Variants in DMBT1 observed in about 807,000 individuals in gnomAD.
The protein encoded by DMBT1 is scavenger receptor cysteine-rich domain-containing protein DMBT1.
In DMBT1, 198 loss-of-function variants were observed where a neutral mutation model predicts 252.9. The ratio of observed to expected loss-of-function variants is 0.78; its 90% CI spans 0.70 to 0.88. The LOEUF (loss-of-function observed/expected upper bound fraction) is 0.88. DMBT1 is among the 40% of genes least tolerant of loss of function. The probability of loss-of-function intolerance (pLI) is 0.00; values close to 1 mark genes in which losing one functional copy is unlikely to be tolerated. For missense variants in DMBT1, 2,432 were observed against 2,404.7 expected (o/e 1.01, Z -0.24); for synonymous variants, 990 against 942.7 (o/e 1.05, Z -0.92).
At chr10:122,619,177 T>A in intron 41 of DMBT1, 131 bp from the exon 42 acceptor site, 2 of 1,185,708 alleles carry the variant, frequency 1.7e-6, no homozygotes, top group Non-Finnish European at 1.3e-6. Context: ...TACATGGCAA[T>A]GCCCCTCCCT....
intron 44 of DMBT1, among the ~76,000 whole-genome samples, chr10:122,621,867 A>G (rs1172621201): frequency 2.0e-5 from 3 of 152,176 alleles, no homozygotes; most frequent in African/African-American, 7.2e-5. Flanking sequence ...GTATCTGTGC[A>G]TGTGTGACCT....
rs747448689 is a variant in DMBT1 at position 122,589,128 on chromosome 10, G to A, written c.1968G>A (p.Arg656=). 25 of 1,588,470 alleles carry A rather than the reference G, an allele frequency of 1.6e-5. 4 individuals carry two copies. The South Asian group carries it at 2.3e-4, about 15-fold the overall frequency. The change falls in exon 17 of 56, where the codon CGG becomes CGA. Residue 656 remains arginine, a synonymous_variant. Coordinates refer to ENST00000338354, the MANE Select transcript of DMBT1 (RefSeq NM_001377530.1). The part of the protein sequence containing the change: ...GWATSAPGNA[R]FGQGSGPIVL... ...CCACGTCAGCCCCAGGAAATGCCCG[G>A]TTTGGTCAGGGCTCAGGACCCATTG...
At chr10:122,578,942 C>T (rs982796944) in intron 9 of DMBT1, among the ~76,000 whole-genome samples, 183 bp downstream of exon 9, 2 of 152,056 alleles carry the variant, frequency 1.3e-5, no homozygotes, top group African/African-American at 4.8e-5. Flanking sequence ...AAGAGCAGGA[C>T]CTCCCAGAAG....
rs888621727 is a variant in DMBT1 at position 122,641,884 on chromosome 10, G to T, written c.7353-1238G>T. Among the ~76,000 whole-genome samples the T allele has an allele frequency of 5.9e-5, 9 of 152,206 alleles. No individual in the cohort carries two copies. The East Asian group carries it at 1.7e-3, about 29-fold the overall frequency. On this transcript the variant is annotated intron_variant, in intron 55 of 55. Coordinates refer to ENST00000338354, the MANE Select transcript of DMBT1 (RefSeq NM_001377530.1). ...CCTGGAAGTCCATTAGAATGACCTG[G>T]GGCTCCAAACACACCCTGCCCAGGC...
chr10:122,634,360 C>CTTTCTTTCTTTCTTTCTT (rs1555029941), intron 52 of DMBT1, among the ~76,000 whole-genome samples: 32 of 105,810 alleles, frequency 3.0e-4, no homozygotes, highest in African/African-American at 8.4e-4. Context: ...TTCTTTCTTT[C>CTTTCTTTCTTTCTTTCTT]TTTCTTTCTT....
chr10:122,573,784 C>A, intron 6 of DMBT1, 22 bp downstream of exon 6: 2 of 1,612,146 alleles, frequency 1.2e-6, no homozygotes, highest in Non-Finnish European at 1.7e-6. Context: ...TATGGGGGAT[C>A]CCTGTAGGCT....
intron 52 of DMBT1, 32 bp downstream of exon 52, chr10:122,633,373 C>T: frequency 6.2e-7 from 1 of 1,609,300 alleles, no homozygotes; most frequent in African/African-American, 1.3e-5. Context: ...TGCCTTGGGG[C>T]CCCACAGACC....
chr10:122,633,133 G>C lies in DMBT1; in HGVS notation c.6398-58G>C, dbSNP rs2098179694. The C allele has an allele frequency of 3.2e-6, 5 of 1,583,840 alleles. No homozygotes were observed. In the East Asian group the frequency reaches 9.0e-5, roughly 28 times the overall value. On this transcript the variant is annotated intron_variant, in intron 51 of 55. Transcript: ENST00000338354. ...TAATTTAAATTTAAAGTAGTCCGCAGGTAGACTGTGCAGTGTGCTCTGGGG... is the reference window on the plus strand; with the variant it reads ...TAATTTAAATTTAAAGTAGTCCGCACGTAGACTGTGCAGTGTGCTCTGGGG...
In DMBT1 at chr10:122,579,591, T is replaced by C. The variant is rs2097747639; in HGVS notation, c.693T>C (p.Ser231=). 6.2e-7 allele frequency: 1 copy of C among 1,613,110 alleles called. No individual in the cohort carries two copies. Among genetic ancestry groups the C allele is most frequent in the Admixed American group, 1.7e-5 (1 of 59,988 alleles). The part of the protein sequence containing the change: ...PPVPTEGSES[S]LALRLVNGGD... ...GTTCCCCTGTAGGATCTGAATCCAG[T>C]TTGGCCCTGAGGCTGGTGAATGGAG... Residue 231 remains serine, a synonymous_variant, in exon 10 of 56, where the codon AGT becomes AGC. Coordinates refer to ENST00000338354, the MANE Select transcript of DMBT1 (RefSeq NM_001377530.1).
At chr10:122,589,649 T>A (rs1014374706) in intron 17 of DMBT1, among the ~76,000 whole-genome samples, 6 of 148,566 alleles carry the variant, frequency 4.0e-5, no homozygotes, top group Admixed American at 4.0e-4. Context: ...GCGTGGTATC[T>A]GCTTGGCTTC....
Position 122,579,733 on chromosome 10 carries a change from T to C in DMBT1, c.835T>C (p.Trp279Arg). ...NVVCRQLGCG[W>R]AMSAPGNAQF... ...GGTCTGCAGGCAGCTGGGCTGTGGC[T>C]GGGCCATGTCAGCCCCAGGAAATGC... The change falls in exon 10 of 56, where the codon TGG becomes CGG. Residue 279 changes from tryptophan (W) to arginine (R), a missense_variant. By Grantham distance (101) the Trp-to-Arg change is moderately radical. Coordinates refer to ENST00000338354, the MANE Select transcript of DMBT1 (RefSeq NM_001377530.1). 1 of 1,613,856 alleles carries C rather than the reference T, an allele frequency of 6.2e-7. No homozygotes were observed. Among genetic ancestry groups the C allele is most frequent in the Non-Finnish European group, 8.5e-7 (1 of 1,179,804 alleles).
intron 16 of DMBT1, among the ~76,000 whole-genome samples, chr10:122,587,420 T>C (rs115541858): frequency 0.034 from 5,061 of 148,606 alleles, 198 homozygotes; most frequent in African/African-American, 0.12. Flanking sequence ...AGCACTGCAG[T>C]GTCTTGCCTG....
At chr10:122,590,784 G>T in intron 18 of DMBT1, 90 bp downstream of exon 18, 1 of 1,459,328 alleles carries the variant, frequency 6.9e-7, no homozygotes, top group South Asian at 1.3e-5. Flanking sequence ...CTTCTTACCT[G>T]TGTGGATACT....
chr10:122,579,967 T>A, intron 10 of DMBT1, 66 bp downstream of exon 10: 1 of 1,609,638 alleles, frequency 6.2e-7, no homozygotes, highest in Non-Finnish European at 8.5e-7. Context: ...AACTCCTAAT[T>A]ACATTCTGAT....
rs201079729 is a variant in DMBT1, at chr10:122,636,160, C to T, written c.6718C>T (p.Arg2240Trp). The change falls in exon 53 of 56, where the codon CGG becomes TGG. Residue 2240 changes from arginine to tryptophan, a missense_variant. This residue lies in a region of DMBT1 where 1,162 missense variants were observed against 1,169.0 expected (regional missense o/e 0.99). Transcript: ENST00000338354. ...CCACAGCATCACAAGGAGAGGGTTC[C>T]GGGCTGAGTACTACTCCAGTCCCTC... ...SDHSITRRGF[R>W]AEYYSSPSND... 232 of 1,613,892 alleles carry T rather than the reference C, an allele frequency of 1.4e-4. No individual in the cohort carries two copies. Among genetic ancestry groups the T allele is most frequent in the African/African-American group, 2.4e-4 (18 of 75,036 alleles).
At chr10:122,626,866 C>T (rs983138131) in intron 46 of DMBT1, among the ~76,000 whole-genome samples, 6 of 152,106 alleles carry the variant, frequency 3.9e-5, no homozygotes, top group African/African-American at 1.2e-4. Flanking sequence ...GACATTTAAG[C>T]TGGGAGTTAA....
intron 18 of DMBT1, 68 bp from the exon 19 acceptor site, chr10:122,591,411 G>T: frequency 2.7e-6 from 4 of 1,476,988 alleles, no homozygotes; most frequent in Admixed American, 1.7e-5. Context: ...CTTGTCCAGA[G>T]ACCTTTCCTT....
At chr10:122,588,633 G>A (rs559066555) in intron 16 of DMBT1, among the ~76,000 whole-genome samples, 2 of 149,090 alleles carry the variant, frequency 1.3e-5, no homozygotes, top group East Asian at 2.1e-4. Context: ...GGACAGCATG[G>A]TCCTGCCCTC....
intron 10 of DMBT1, among the ~76,000 whole-genome samples, chr10:122,580,483 T>A (rs372523023): frequency 6.6e-6 from 1 of 152,194 alleles, no homozygotes; most frequent in East Asian, 1.9e-4. Flanking sequence ...GCAGTCCCCA[T>A]GAGGCCAGCC....
Sources: allele counts gnomAD v4.1 joint callset (sites outside exome capture counted in the v4.1 genomes callset), GRCh38; gene constraint gnomAD v4.1.1; regional missense constraint gnomAD v4.1.1; transcripts MANE v1.5; gene names NCBI Gene and HGNC (gene_info 2026-07-23, HGNC 2026-07-21).